Variants in PCDH15 observed in about 807,000 individuals in gnomAD.
PCDH15 encodes protocadherin-15.
In PCDH15, 129 loss-of-function variants were observed where a neutral mutation model predicts 178.5. The ratio of observed to expected loss-of-function variants is 0.72; its 90% CI spans 0.63 to 0.84. The LOEUF (loss-of-function observed/expected upper bound fraction) is 0.84. Ranked by LOEUF, PCDH15 falls within the 40% of genes least tolerant of loss-of-function variation. The probability of loss-of-function intolerance (pLI) is 0.00; values close to 1 mark genes in which losing one functional copy is unlikely to be tolerated. For missense variants in PCDH15, 2,230 were observed against 2,099.9 expected (o/e 1.06, Z -1.21); for synonymous variants, 800 against 732.0 (o/e 1.09, Z -1.50).
chr10:55,538,743 CCTTCCTT>C, intron 2 of PCDH15, among the ~76,000 whole-genome samples: 1 of 83,234 alleles, frequency 1.2e-5, no homozygotes, highest in Non-Finnish European at 2.5e-5. Context: ...TCCTTTCCTT[CCTTCCTT>C]CCTCCCTTCC....
chr10:55,415,073 G>T (rs151147291), intron 2 of PCDH15, among the ~76,000 whole-genome samples: 1,894 of 151,626 alleles, frequency 0.012, 50 homozygotes, highest in African/African-American at 0.044. Flanking sequence ...CTTTATTAAG[G>T]TGAGGGAGTT....
intron 2 of PCDH15, among the ~76,000 whole-genome samples, chr10:55,392,467 TA>T (rs1837819162): frequency 6.6e-6 from 1 of 152,202 alleles, no homozygotes; most frequent in African/African-American, 2.4e-5. Flanking sequence ...AACTAAGGTA[TA>T]GTTTTTTGTT....
At chr10:55,538,518 C>CT (rs1841652173) in intron 2 of PCDH15, among the ~76,000 whole-genome samples, 1 of 111,204 alleles carries the variant, frequency 9.0e-6, no homozygotes, top group Admixed American at 9.7e-5. Context: ...TCTTTCCTTC[C>CT]TTCCTCCCTT....
At chr10:54,002,360 A>G (rs1170839381) in intron 20 of PCDH15, among the ~76,000 whole-genome samples, 1 of 152,092 alleles carries the variant, frequency 6.6e-6, no homozygotes, top group Non-Finnish European at 1.5e-5. Flanking sequence ...ACAGTTACTC[A>G]TAGAGCATTT....
At chr10:54,935,898 C>G (rs1434020099) in intron 2 of PCDH15, among the ~76,000 whole-genome samples, 2 of 152,034 alleles carry the variant, frequency 1.3e-5, no homozygotes, top group Admixed American at 6.6e-5. Context: ...TGATATATAA[C>G]TCACTATACA....
At chr10:54,081,641 A>C (rs2135967271) in intron 16 of PCDH15, among the ~76,000 whole-genome samples, 1 of 152,204 alleles carries the variant, frequency 6.6e-6, no homozygotes, top group African/African-American at 2.4e-5. Context: ...AAATCCGAGA[A>C]ATAGCTCACA....
intron 2 of PCDH15, among the ~76,000 whole-genome samples, chr10:54,922,350 G>T (rs867688401): frequency 6.6e-6 from 1 of 152,104 alleles, no homozygotes; most frequent in Admixed American, 6.6e-5. Flanking sequence ...TTGGGTAAAT[G>T]CTCCTATTCC....
chr10:55,367,103 A>G (rs1298473617), intron 2 of PCDH15, among the ~76,000 whole-genome samples: 1 of 152,058 alleles, frequency 6.6e-6, no homozygotes, highest in Non-Finnish European at 1.5e-5. Context: ...CATATCACTC[A>G]GGGTTTGTGA....
chr10:54,810,567 C>T (rs1360271698), intron 3 of PCDH15, among the ~76,000 whole-genome samples: 2 of 152,052 alleles, frequency 1.3e-5, no homozygotes, highest in East Asian at 1.9e-4. Context: ...AAATAATATA[C>T]TTTAATACCT....
chr10:54,626,330 A>G (rs371714233), intron 2 of PCDH15, among the ~76,000 whole-genome samples: 59 of 152,294 alleles, frequency 3.9e-4, no homozygotes, highest in African/African-American at 1.1e-3. Context: ...GGCCTGTCAG[A>G]GGTCTTCACA....
intron 2 of PCDH15, among the ~76,000 whole-genome samples, chr10:55,132,759 C>G (rs4144114): frequency 1 from 152,303 of 152,318 alleles, 76,144 homozygotes; most frequent in Non-Finnish European, 1. Context: ...GTACTTTACT[C>G]ATAAATATTG....
chr10:53,907,356 G>A (rs904641033), intron 25 of PCDH15: 3 of 152,156 alleles, frequency 2.0e-5, no homozygotes, highest in South Asian at 4.1e-4. Context: ...AAAGAGAAAG[G>A]AAAGCACAGA....
intron 3 of PCDH15, among the ~76,000 whole-genome samples, chr10:54,501,991 G>A (rs1406648438): frequency 6.6e-6 from 1 of 151,890 alleles, no homozygotes; most frequent in Non-Finnish European, 1.5e-5. Context: ...TATGTTAGCT[G>A]TTCTTTTTTC....
chr10:54,246,067 C>G (rs2055889796), intron 8 of PCDH15, among the ~76,000 whole-genome samples: 1 of 151,806 alleles, frequency 6.6e-6, no homozygotes, highest in Non-Finnish European at 1.5e-5. Flanking sequence ...GCACTTTGAG[C>G]TTCATCTTAC....
intron 3 of PCDH15, among the ~76,000 whole-genome samples, chr10:54,859,384 G>A (rs1048880649): frequency 2.0e-5 from 3 of 151,966 alleles, no homozygotes; most frequent in Middle Eastern, 3.4e-3. Context: ...ATGCTTGTCC[G>A]TAGAAACAGA....
At chr10:54,160,531 G>C (rs1055570920) in intron 13 of PCDH15, among the ~76,000 whole-genome samples, 2 of 152,068 alleles carry the variant, frequency 1.3e-5, no homozygotes, top group African/African-American at 4.8e-5. Flanking sequence ...AAATATGACA[G>C]TAAAAGTATG....
intron 2 of PCDH15, among the ~76,000 whole-genome samples, chr10:54,926,684 G>A (rs955155305): frequency 1.3e-5 from 2 of 151,736 alleles, no homozygotes; most frequent in Admixed American, 6.6e-5. Flanking sequence ...GTCTTGCGAG[G>A]GTATATGTGT....
chr10:55,413,931 A>G (rs992761488), intron 2 of PCDH15, among the ~76,000 whole-genome samples: 10 of 151,580 alleles, frequency 6.6e-5, no homozygotes, highest in African/African-American at 2.4e-4. Flanking sequence ...AAAAATAACC[A>G]TGTCTTTGTG....
chr10:54,186,487 G>A (rs1373227626), intron 11 of PCDH15, among the ~76,000 whole-genome samples: 1 of 151,950 alleles, frequency 6.6e-6, no homozygotes, highest in African/African-American at 2.4e-5. Flanking sequence ...ATTGTGATAT[G>A]TGTAGATTTC....
Sources: allele counts gnomAD v4.1 joint callset (sites outside exome capture counted in the v4.1 genomes callset), GRCh38; gene constraint gnomAD v4.1.1; transcripts MANE v1.5; gene names NCBI Gene and HGNC (gene_info 2026-07-23, HGNC 2026-07-21).